The following ZNF112 variants were observed in gnomAD, a reference collection of about 807,000 sequenced individuals.
The protein encoded by ZNF112 is zinc finger protein 112.
Under a neutral mutation model 77.7 loss-of-function variants are expected in ZNF112, and 37 were observed. That is an observed-to-expected ratio of 0.48 (90% confidence interval 0.37 to 0.63). ZNF112 has a LOEUF of 0.63. Among genes scored for constraint, ZNF112 ranks in the 20% least tolerant of loss-of-function variants. The pLI, the probability that ZNF112 is intolerant of heterozygous loss-of-function variation, is 0.00. For synonymous variants in ZNF112, 333 were observed against 363.6 expected, an observed-to-expected ratio of 0.92 and a Z score of 0.96; for missense variants, 950 against 1,077.4, an observed-to-expected ratio of 0.88 and a Z score of 1.66.
chr19:44,345,998 AAG>A (rs1480281392), intron 1 of ZNF112, among the ~76,000 whole-genome samples: 4 of 152,196 alleles, frequency 2.6e-5, no homozygotes. Flanking sequence ...TTAGCTGAAG[AAG>A]AGACACACAA....
Position 44,328,641 on chromosome 19 carries a change from G to A in ZNF112, c.1516C>T (p.Leu506Phe), listed in dbSNP as rs759175276. 1.1e-5 allele frequency: 17 copies of A among 1,613,986 alleles called. No homozygotes were observed. The South Asian group carries it at 1.3e-4, about 13-fold the overall frequency. Residue 506 changes from leucine (L) to phenylalanine (F), a missense_variant, in exon 4 of 4, where the codon CTT becomes TTT. Physicochemically the swap from Leu to Phe is conservative, Grantham distance 22 (BLOSUM62 0). This residue lies in a region of ZNF112 where 560 missense variants were observed against 557.3 expected (regional missense o/e 1.00). Coordinates refer to ENST00000354340, the MANE Select transcript of ZNF112 (RefSeq NM_013380.4). The stretch of plus-strand genomic sequence containing the variant: ...GTGTGGACTCTCTGATGATCTTTAA[G>A]TTTTGAGCTCCAGTTGAAGCCATTC... ...HGNGFNWSSK[L>F]KDHQRVHTGQ...
At chr19:44,344,844 G>C (rs1363674908) in intron 1 of ZNF112, among the ~76,000 whole-genome samples, 3 of 152,082 alleles carry the variant, frequency 2.0e-5, no homozygotes, top group African/African-American at 7.2e-5. Flanking sequence ...GGGTATCTAG[G>C]GCAAGAGAGA....
chr19:44,364,758 G>A (rs1372708418), intron 1 of ZNF112, among the ~76,000 whole-genome samples: 1 of 152,066 alleles, frequency 6.6e-6, no homozygotes, highest in Non-Finnish European at 1.5e-5. Context: ...AATTATACAG[G>A]GTGATATGAA....
intron 3 of ZNF112, among the ~76,000 whole-genome samples, chr19:44,330,327 T>C (rs995556218): frequency 1.3e-5 from 2 of 152,208 alleles, no homozygotes; most frequent in Non-Finnish European, 2.9e-5. Context: ...AAGGGATATT[T>C]AACCTACATA....
intron 1 of ZNF112, among the ~76,000 whole-genome samples, chr19:44,348,160 T>C (rs971903516): frequency 1.3e-5 from 2 of 152,150 alleles, no homozygotes; most frequent in Admixed American, 6.5e-5. Flanking sequence ...TTGATTATGA[T>C]GTATCCAGAA....
chr19:44,365,482 ATT>A (rs1490120564), intron 1 of ZNF112, among the ~76,000 whole-genome samples: 13 of 138,402 alleles, frequency 9.4e-5, no homozygotes, highest in African/African-American at 3.3e-4. Context: ...ATATATATAT[ATT>A]TATGTGTGTG....
chr19:44,343,986 A>G (rs1970540583), intron 1 of ZNF112, among the ~76,000 whole-genome samples: 2 of 152,238 alleles, frequency 1.3e-5, no homozygotes, highest in Admixed American at 6.5e-5. Context: ...GCCACAGTAT[A>G]TACTATATAC....
chr19:44,328,452 G>A lies in ZNF112; in HGVS notation c.1705C>T (p.His569Tyr). 1.2e-6 allele frequency: 2 copies of A among 1,614,134 alleles called. No homozygotes were observed. Among genetic ancestry groups the A allele is most frequent in the Non-Finnish European group, 1.7e-6 (2 of 1,180,016 alleles). Residue 569 changes from histidine to tyrosine, a missense_variant, in exon 4 of 4, where the codon CAC becomes TAC. Transcript: ENST00000354340. ...SSYLQAHQRVHTGEKPYKCEE... is the reference protein window; with the variant it reads ...SSYLQAHQRVYTGEKPYKCEE... ...CATTTATAAGGTTTTTCTCCAGTGT[G>A]GACTCTCTGATGGGCTTGAAGATAT... is the stretch of plus-strand genomic sequence containing the variant.
chr19:44,355,758 A>G (rs1970775404), intron 1 of ZNF112, among the ~76,000 whole-genome samples: 1 of 152,220 alleles, frequency 6.6e-6, no homozygotes, highest in Admixed American at 6.5e-5. Flanking sequence ...TTTAAATACT[A>G]TCTTTATTAC....
At chr19:44,354,519 T>C (rs1038638498) in intron 1 of ZNF112, among the ~76,000 whole-genome samples, 1 of 152,200 alleles carries the variant, frequency 6.6e-6, no homozygotes, top group Non-Finnish European at 1.5e-5. Flanking sequence ...AACTCTTCAA[T>C]ACTCTGAAAT....
At chr19:44,342,265 G>A (rs1055678457) in intron 1 of ZNF112, among the ~76,000 whole-genome samples, 2 of 152,026 alleles carry the variant, frequency 1.3e-5, no homozygotes, top group African/African-American at 4.8e-5. Flanking sequence ...AGCTCTTCTT[G>A]TACAAAAACA....
chr19:44,358,355 TC>T (rs557686762), upstream of ZNF112, among the ~76,000 whole-genome samples: 7 of 152,268 alleles, frequency 4.6e-5, no homozygotes, highest in Admixed American at 2.0e-4. Context: ...TACTTCCACT[TC>T]CAGTAATAAT....
intron 2 of ZNF112, 64 bp downstream of exon 2, chr19:44,340,351 AC>A: frequency 1.3e-6 from 2 of 1,564,470 alleles, no homozygotes; most frequent in African/African-American, 2.8e-5. Context: ...AGAGTTTCTA[AC>A]AATTGAGCAC....
At chr19:44,346,703 G>A (rs1353337429) in intron 1 of ZNF112, among the ~76,000 whole-genome samples, 5 of 152,226 alleles carry the variant, frequency 3.3e-5, no homozygotes, top group African/African-American at 1.2e-4. Flanking sequence ...CAACCACAGA[G>A]AGTTACCAAA....
chr19:44,359,315 C>CTTTTTT (rs767955186), upstream of ZNF112, among the ~76,000 whole-genome samples: 169 of 54,860 alleles, frequency 3.1e-3, 31 homozygotes, highest in African/African-American at 7.6e-3. Flanking sequence ...TATTAGAGTT[C>CTTTTTT]TTTTTTTTTT....
Position 44,327,678 on chromosome 19 carries a change from A to T in ZNF112, c.2479T>A (p.Tyr827Asn). The T allele has an allele frequency of 6.2e-7, 1 of 1,613,872 alleles. No homozygotes were observed. The highest frequency in any genetic ancestry group is 8.5e-7 in the Non-Finnish European group (1 of 1,179,934). ...CCCTTTCCACATACCTCACATTTGT[A>T]TGGTTTCTCTCCTGTGTGGACTCTG... ...HHRVHTGEKP[Y>N]KCEVCGKGFS... The change falls in exon 4 of 4, where the codon TAC becomes AAC. Residue 827 changes from tyrosine (Y) to asparagine (N), a missense_variant. Transcript: ENST00000354340.
At chr19:44,351,802 C>A (rs1260245890) in intron 1 of ZNF112, among the ~76,000 whole-genome samples, 2 of 151,896 alleles carry the variant, frequency 1.3e-5, no homozygotes, top group Admixed American at 1.3e-4. Context: ...AGAGAAAAGA[C>A]ACAAATTACC....
chr19:44,337,108 C>G (rs866263131), intron 2 of ZNF112, among the ~76,000 whole-genome samples: 2 of 150,948 alleles, frequency 1.3e-5, no homozygotes, highest in Admixed American at 1.3e-4. Context: ...TGGGTTCAAG[C>G]AATCCTCTTG....
chr19:44,335,553 C>G (rs891776489), intron 3 of ZNF112, among the ~76,000 whole-genome samples: 1 of 152,190 alleles, frequency 6.6e-6, no homozygotes, highest in Non-Finnish European at 1.5e-5. Flanking sequence ...GGAAGGTAGA[C>G]TGGCACAGCA....
Sources: gnomAD v4.1 joint callset for allele counts (sites outside exome capture counted in the v4.1 genomes callset) on GRCh38, gnomAD v4.1.1 for gene constraint, gnomAD v4.1.1 regional missense constraint, MANE v1.5 for transcripts, NCBI Gene and HGNC (gene_info 2026-07-23, HGNC 2026-07-21) for gene names.